The following THAP4 variants were observed in gnomAD, a reference collection of about 807,000 sequenced individuals.
THAP4 encodes the protein peroxynitrite isomerase THAP4.
Under a neutral mutation model 48.1 loss-of-function variants are expected in THAP4, and 18 were observed. That is an observed-to-expected ratio of 0.37 (90% CI 0.26 to 0.56). The LOEUF is 0.56. THAP4 is among the 20% of genes least tolerant of loss of function. THAP4 has a pLI of 0.78. For synonymous variants in THAP4, 345 were observed against 324.9 expected, an observed-to-expected ratio of 1.06 and a Z score of -0.66; for missense variants, 656 against 774.9, an observed-to-expected ratio of 0.85 and a Z score of 1.82.
chr2:241,622,842 A>G (rs991640148), intron 2 of THAP4, among the ~76,000 whole-genome samples: 1 of 152,038 alleles, frequency 6.6e-6, no homozygotes, highest in Non-Finnish European at 1.5e-5. Context: ...GGCTCAAGCA[A>G]TCCTCACACC....
chr2:241,622,594 A>C (rs528830526), intron 2 of THAP4, among the ~76,000 whole-genome samples: 16 of 150,918 alleles, frequency 1.1e-4, no homozygotes, highest in African/African-American at 2.2e-4. Flanking sequence ...CAGAAAACAA[A>C]CAAAAAAAAA....
Position 241,633,959 on chromosome 2 carries a change from G to A in THAP4, c.198C>T (p.Ser66=), listed in dbSNP as rs935437645. 22 of 1,614,172 alleles carry A rather than the reference G, an allele frequency of 1.4e-5. No homozygotes were observed. Among genetic ancestry groups the A allele is most frequent in the Admixed American group, 1.7e-5 (1 of 60,030 alleles). ...GGCGATGCTGGTCCTCCAGCCTCTT[G>A]GAGAAGCTGTCTTTGGTGAAATGCT... ...CSEHFTKDSF[S]KRLEDQHRLL... Residue 66 remains serine, a synonymous_variant, in exon 2 of 6, where the codon TCC becomes TCT. Coordinates refer to ENST00000407315, the MANE Select transcript of THAP4 (RefSeq NM_015963.6). The surrounding 1 kb of genome is among the most constrained non-coding windows in gnomAD (Gnocchi z 7.5).
intron 2 of THAP4, among the ~76,000 whole-genome samples, chr2:241,614,890 A>C (rs1270838965): frequency 1.5e-5 from 1 of 68,294 alleles, no homozygotes; most frequent in Non-Finnish European, 2.9e-5. Flanking sequence ...ACTCCATCTC[A>C]AAACAAAAAC....
intron 5 of THAP4, among the ~76,000 whole-genome samples, chr2:241,589,909 A>G (rs1425323308): frequency 3.3e-5 from 5 of 152,200 alleles, no homozygotes; most frequent in African/African-American, 1.2e-4. Flanking sequence ...TGAGGAAAGG[A>G]GACCGGAAAC....
In THAP4 at chr2:241,633,110, G is replaced by A. The variant is rs2067587627; in HGVS notation, c.1047C>T (p.Cys349=). ...GGCTCTTGTTCTGCCGGGAGGAGAA[G>A]CAGTAGGAGTGCAGTGAGTCGATGA... The part of the protein sequence containing the change: ...CKLIDSLHSY[C]FSSRQNKSQV... Residue 349 remains cysteine, a synonymous_variant, in exon 2 of 6, where the codon TGC becomes TGT. Transcript: ENST00000407315. This position sits in a 1 kb window ranked among gnomAD's most constrained non-coding sequence, Gnocchi z 7.5. 6.2e-7 allele frequency: 1 copy of A among 1,613,740 alleles called. No homozygotes were observed. Among genetic ancestry groups the A allele is most frequent in the Non-Finnish European group, 8.5e-7 (1 of 1,179,904 alleles).
At chr2:241,597,008 T>G (rs2067057063) in intron 5 of THAP4, among the ~76,000 whole-genome samples, 1 of 152,226 alleles carries the variant, frequency 6.6e-6, no homozygotes, top group Admixed American at 6.5e-5. Context: ...ATTTTTATTT[T>G]TAAAAAGTAA....
chr2:241,602,482 A>G (rs2067127492), intron 4 of THAP4, among the ~76,000 whole-genome samples: 1 of 151,624 alleles, frequency 6.6e-6, no homozygotes, highest in South Asian at 2.1e-4. Context: ...CTCCTGCCTC[A>G]GCCTCCCAAG....
At position 241,599,670 on chromosome 2, in the gene THAP4, T is replaced by C. The variant is rs183764808; in HGVS notation, c.1614+2226A>G. Among the ~76,000 whole-genome samples the C allele has an allele frequency of 7.8e-4, 119 of 152,282 alleles. 2 individuals are homozygous for C. Among genetic ancestry groups the C allele is most frequent in the Admixed American group, 7.7e-3 (118 of 15,286 alleles). On this transcript the variant is annotated intron_variant, in intron 5 of 5. Coordinates refer to ENST00000407315, the MANE Select transcript of THAP4 (RefSeq NM_015963.6). ...CCGTAATACACTGTCACGCTGCATA[T>C]TGCTACCCATGAAAATATGTCAATT...
At chr2:241,594,621 G>T in intron 5 of THAP4, 1 of 350,446 alleles carries the variant, frequency 2.9e-6, no homozygotes, top group Non-Finnish European at 5.7e-6. Context: ...AACCGGGCAT[G>T]CTGGTGCATA....
rs141529881 is a variant in THAP4 at position 241,628,693 on chromosome 2, G to A, written c.1240+4224C>T. 5.7e-3 allele frequency among the ~76,000 whole-genome samples: 850 copies of A among 148,554 alleles called. 12 individuals carry two copies. The highest frequency in any genetic ancestry group is 0.02 in the African/African-American group (808 of 40,546). On this transcript the variant is annotated intron_variant, in intron 2 of 5. Coordinates refer to ENST00000407315, the MANE Select transcript of THAP4 (RefSeq NM_015963.6). ...TTTTTTTTTTTAAAGTCATGGCTGG[G>A]TGCGGTGGCTTACCTGGCCAACATG...
intron 5 of THAP4, among the ~76,000 whole-genome samples, chr2:241,594,150 G>A (rs145582894): frequency 2.0e-5 from 3 of 152,314 alleles, no homozygotes; most frequent in Middle Eastern, 3.4e-3. Flanking sequence ...CTTACACTAA[G>A]TGACAGTCTA....
chr2:241,606,496 A>T (rs1340377689), intron 2 of THAP4, 23 bp from the exon 3 acceptor site: 2 of 1,574,480 alleles, frequency 1.3e-6, no homozygotes, highest in Non-Finnish European at 1.7e-6. Flanking sequence ...GAATGAGACT[A>T]TCAGTGGCCT....
At chr2:241,595,547 G>C (rs1183073868) in intron 5 of THAP4, among the ~76,000 whole-genome samples, 4 of 151,774 alleles carry the variant, frequency 2.6e-5, no homozygotes, top group Non-Finnish European at 5.9e-5. Flanking sequence ...TGAGGCAGGA[G>C]AATCGCTTGA....
At chr2:241,590,600 G>T (rs2066954351) in intron 5 of THAP4, among the ~76,000 whole-genome samples, 1 of 151,340 alleles carries the variant, frequency 6.6e-6, no homozygotes, top group African/African-American at 2.4e-5. Context: ...ACTCAGAGCT[G>T]CTCGGCTGAT....
intron 2 of THAP4, among the ~76,000 whole-genome samples, chr2:241,609,894 G>T (rs960101000): frequency 5.3e-5 from 8 of 152,246 alleles, no homozygotes; most frequent in Non-Finnish European, 1.0e-4. Flanking sequence ...TGGCTCTCCT[G>T]GGACCGGGTG....
intron 2 of THAP4, among the ~76,000 whole-genome samples, chr2:241,614,157 G>GAA (rs796161619): frequency 4.1e-4 from 35 of 84,628 alleles, no homozygotes; most frequent in Non-Finnish European, 6.4e-4. Flanking sequence ...CCTGCCTTGA[G>GAA]AAAAAAAAAA....
At position 241,612,750 on chromosome 2, in the gene THAP4, C is replaced by G. The variant is rs1014511878; in HGVS notation, c.1241-6277G>C. On this transcript the variant is annotated intron_variant, in intron 2 of 5. Transcript: ENST00000407315. The surrounding 1 kb of genome is among the most constrained non-coding windows in gnomAD (Gnocchi z 4.1). ...AGACAGAACGTGGGTCAGTGTTTCTCCACAGCTGCGTTCTGTGGCAGAAGA... is the reference window on the plus strand; with the variant it reads ...AGACAGAACGTGGGTCAGTGTTTCTGCACAGCTGCGTTCTGTGGCAGAAGA... 1.3e-5 allele frequency among the ~76,000 whole-genome samples: 2 copies of G among 152,206 alleles called. No individual in the cohort carries two copies. The highest frequency in any genetic ancestry group is 2.9e-5 in the Non-Finnish European group (2 of 68,038).
At chr2:241,585,396 T>G (rs1295422068) in intron 5 of THAP4, among the ~76,000 whole-genome samples, 4 of 117,578 alleles carry the variant, frequency 3.4e-5, no homozygotes, top group Admixed American at 8.9e-5. Flanking sequence ...GTGTGGGGGG[T>G]CATGTGGGGT....
rs990710697 is a variant in THAP4 at position 241,617,496 on chromosome 2, T to C, written c.1241-11023A>G. 7.1e-6 allele frequency: 11 copies of C among 1,541,702 alleles called. No homozygotes were observed. In the African/African-American group the frequency reaches 1.1e-4, roughly 15 times the overall value. Reference sequence around the variant, plus strand: ...CCAATTGACGGGAAATGTTTGCACCTGGCTCTTAATGGCTCTGCAGGAAGT... The same window carrying C: ...CCAATTGACGGGAAATGTTTGCACCCGGCTCTTAATGGCTCTGCAGGAAGT... On this transcript the variant is annotated intron_variant, in intron 2 of 5. Coordinates refer to ENST00000407315, the MANE Select transcript of THAP4 (RefSeq NM_015963.6).
Sources: gnomAD v4.1 joint callset for allele counts (sites outside exome capture counted in the v4.1 genomes callset) on GRCh38, gnomAD v4.1.1 for gene constraint, Gnocchi (gnomAD v3.1) non-coding constraint, MANE v1.5 for transcripts, NCBI Gene and HGNC (gene_info 2026-07-23, HGNC 2026-07-21) for gene names.